PDLIM5: variants seen among roughly 807,000 people sequenced by gnomAD.
PDLIM5 encodes the protein PDZ and LIM domain protein 5.
Under a neutral mutation model 64.2 loss-of-function variants are expected in PDLIM5, and 34 were observed. That is an observed-to-expected ratio of 0.53 (90% CI 0.40 to 0.71). PDLIM5 has a LOEUF of 0.71. Among genes scored for constraint, PDLIM5 ranks in the 30% least tolerant of loss-of-function variants. The probability of loss-of-function intolerance (pLI) is 0.00; values close to 1 mark genes in which losing one functional copy is unlikely to be tolerated. For missense variants in PDLIM5, 683 were observed against 733.6 expected (o/e 0.93, Z 0.80); for synonymous variants, 253 against 269.1 (o/e 0.94, Z 0.59).
At chr4:94,555,724 A>G (rs890946260) in intron 3 of PDLIM5, among the ~76,000 whole-genome samples, 21 of 151,986 alleles carry the variant, frequency 1.4e-4, no homozygotes, top group African/African-American at 4.6e-4. Flanking sequence ...TGCCAATTCT[A>G]TGTTATTTTA....
chr4:94,628,951 C>A (rs1032528985), intron 8 of PDLIM5, among the ~76,000 whole-genome samples: 6 of 151,602 alleles, frequency 4.0e-5, no homozygotes, highest in South Asian at 4.2e-4. Context: ...TTTTTTATTT[C>A]TTTTCCTTTT....
At chr4:94,582,610 C>T in intron 5 of PDLIM5, 1 of 678,312 alleles carries the variant, frequency 1.5e-6, no homozygotes, top group South Asian at 1.8e-5. Context: ...ATTGTCTTTT[C>T]TTTTTCTTCT....
rs201862025 is a variant in PDLIM5 at position 94,662,363 on chromosome 4, C to T, written c.1586-59C>T. 363 of 788,466 alleles carry T rather than the reference C, an allele frequency of 4.6e-4. 1 individual carries two copies. The highest frequency in any genetic ancestry group is 6.5e-4 in the Non-Finnish European group (295 of 453,420). The allele number at this position is 788,466 out of a possible 1,614,324, so 48.8% of individuals were successfully genotyped here. A position where few individuals can be genotyped will look rare whatever the true frequency, so the allele number is the denominator to read the frequency against. Reference sequence around the variant, plus strand: ...TGATTTTGTTGCTGCCTTCTAGGAACGATCATTCTAAAACTTCATCATGTT... The same window carrying T: ...TGATTTTGTTGCTGCCTTCTAGGAATGATCATTCTAAAACTTCATCATGTT... On this transcript the variant is annotated intron_variant, in intron 11 of 12. Coordinates refer to ENST00000317968, the MANE Select transcript of PDLIM5 (RefSeq NM_006457.5).
At chr4:94,487,879 G>T (rs1391216121) in intron 2 of PDLIM5, among the ~76,000 whole-genome samples, 1 of 152,136 alleles carries the variant, frequency 6.6e-6, no homozygotes, top group Non-Finnish European at 1.5e-5. Context: ...GCATATCTTA[G>T]TAAAAACACA....
intron 3 of PDLIM5, among the ~76,000 whole-genome samples, chr4:94,528,892 A>G (rs1166427918): frequency 1.3e-5 from 2 of 152,156 alleles, no homozygotes; most frequent in South Asian, 2.1e-4. Flanking sequence ...TTACCACCCT[A>G]TTTTAAACTG....
intron 3 of PDLIM5, among the ~76,000 whole-genome samples, chr4:94,526,984 C>T (rs1046571436): frequency 6.6e-6 from 1 of 151,244 alleles, no homozygotes; most frequent in African/African-American, 2.4e-5. Context: ...ATCCACCTGC[C>T]TCGGCCTCCC....
intron 2 of PDLIM5, among the ~76,000 whole-genome samples, chr4:94,514,235 T>C (rs866245757): frequency 7.3e-5 from 11 of 150,744 alleles, no homozygotes; most frequent in Middle Eastern, 3.2e-3. Flanking sequence ...CCTGGGTTCA[T>C]GCCATTCTCC....
chr4:94,662,705 T>A (rs1335055657), intron 12 of PDLIM5, among the ~76,000 whole-genome samples, 168 bp downstream of exon 12: 1 of 152,156 alleles, frequency 6.6e-6, no homozygotes, highest in African/African-American at 2.4e-5. Flanking sequence ...TTTTTGGCAT[T>A]TTTGAAATTA....
intron 2 of PDLIM5, among the ~76,000 whole-genome samples, chr4:94,503,250 C>T (rs1329711829): frequency 6.6e-6 from 1 of 152,158 alleles, no homozygotes; most frequent in East Asian, 1.9e-4. Flanking sequence ...ATCTCCCTCA[C>T]CACCTAAACT....
At chr4:94,610,107 C>T in intron 7 of PDLIM5, 3 of 1,021,850 alleles carry the variant, frequency 2.9e-6, no homozygotes, top group East Asian at 2.7e-5. Context: ...ATTATGCTAC[C>T]CTTTCTCACT....
intron 2 of PDLIM5, among the ~76,000 whole-genome samples, chr4:94,493,145 A>T (rs1727021378): frequency 6.6e-6 from 1 of 152,130 alleles, no homozygotes; most frequent in South Asian, 2.1e-4. Flanking sequence ...CTTATTGGAC[A>T]TTTGTATATC....
At chr4:94,536,242 G>GA (rs1208071804) in intron 3 of PDLIM5, among the ~76,000 whole-genome samples, 1 of 152,080 alleles carries the variant, frequency 6.6e-6, no homozygotes, top group African/African-American at 2.4e-5. Flanking sequence ...AGCAGAGATA[G>GA]AAAATCCCAG....
At chr4:94,589,784 T>C (rs986498359) in intron 7 of PDLIM5, among the ~76,000 whole-genome samples, 1 of 151,802 alleles carries the variant, frequency 6.6e-6, no homozygotes, top group Non-Finnish European at 1.5e-5. Flanking sequence ...CTTTCCTTTT[T>C]TTAAATTTGA....
chr4:94,549,302 T>C (rs1732594673), intron 3 of PDLIM5, among the ~76,000 whole-genome samples: 1 of 152,216 alleles, frequency 6.6e-6, no homozygotes, highest in African/African-American at 2.4e-5. Flanking sequence ...TCTGTCTCGA[T>C]GTATGCATTC....
At chr4:94,609,182 C>G (rs905293533) in intron 7 of PDLIM5, among the ~76,000 whole-genome samples, 1 of 152,070 alleles carries the variant, frequency 6.6e-6, no homozygotes, top group African/African-American at 2.4e-5. Flanking sequence ...TCGAGTTTGC[C>G]ACGTAATTAC....
Position 94,665,505 on chromosome 4 carries a change from AAGAGAG to A in PDLIM5, c.*1446_*1451del. On this transcript the variant is annotated 3_prime_UTR_variant, in exon 13 of 13. Transcript: ENST00000317968. ...TTAAAAAAAAAAAAAAAAAAAAAAA[AAGAGAG>A]AGAGAGAATAAATAGAAAAGAATGT... is the stretch of plus-strand genomic sequence containing the variant. 1 of 662,886 alleles carries A rather than the reference AAGAGAG, an allele frequency of 1.5e-6. No homozygotes were observed. The highest frequency in any genetic ancestry group is 1.8e-6 in the Non-Finnish European group (1 of 544,420). 41.1% of individuals were successfully genotyped at this position (662,886 alleles called of 1,614,324 possible). A position where few individuals can be genotyped will look rare whatever the true frequency, so the allele number is the denominator to read the frequency against.
intron 7 of PDLIM5, chr4:94,610,366 T>C: frequency 1.8e-6 from 2 of 1,088,714 alleles, no homozygotes; most frequent in East Asian, 5.9e-5. Context: ...GTCTTACAAG[T>C]CACCTCAAAG....
chr4:94,595,423 G>A (rs561733040), intron 7 of PDLIM5, among the ~76,000 whole-genome samples: 5 of 152,198 alleles, frequency 3.3e-5, no homozygotes, highest in African/African-American at 4.8e-5. Context: ...CCGGGAAACC[G>A]TCTTCTTGTA....
chr4:94,471,196 A>G (rs1724840797), intron 2 of PDLIM5, among the ~76,000 whole-genome samples: 1 of 152,176 alleles, frequency 6.6e-6, no homozygotes, highest in African/African-American at 2.4e-5. Flanking sequence ...TCAGCTTTTT[A>G]TAAATTCAGG....
Sources: allele counts gnomAD v4.1 joint callset (sites outside exome capture counted in the v4.1 genomes callset), GRCh38; gene constraint gnomAD v4.1.1; transcripts MANE v1.5; gene names NCBI Gene and HGNC (gene_info 2026-07-23, HGNC 2026-07-21).